The following TMEM255B variants were observed in gnomAD, a reference collection of about 807,000 sequenced individuals.
The protein encoded by TMEM255B is transmembrane protein 255B.
A neutral mutation model predicts 34.5 loss-of-function variants in TMEM255B; 35 were observed. That is an observed-to-expected ratio of 1.01 (90% CI 0.77 to 1.34). TMEM255B has a LOEUF of 1.34. Ranked by LOEUF, TMEM255B falls within the 40% of genes most tolerant of loss-of-function variation. The pLI is 0.00. For missense variants in TMEM255B, 432 were observed against 433.2 expected (o/e 1.00, Z 0.02); for synonymous variants, 206 against 201.2 (o/e 1.02, Z -0.20).
intron 8 of TMEM255B, among the ~76,000 whole-genome samples, chr13:113,805,480 T>C (rs1171086772): frequency 1.3e-5 from 2 of 152,210 alleles, no homozygotes; most frequent in Non-Finnish European, 2.9e-5. Flanking sequence ...ACCTTGGAGA[T>C]GACGGAGGGA....
At chr13:113,771,474 G>A (rs2050477278) in intron 3 of TMEM255B, among the ~76,000 whole-genome samples, 2 of 152,298 alleles carry the variant, frequency 1.3e-5, no homozygotes, top group Non-Finnish European at 1.5e-5. Flanking sequence ...GAGTTCAGGA[G>A]TTCAAGACCA....
In TMEM255B at chr13:113,790,251, C is replaced by T. The variant is rs1365761324; in HGVS notation, c.253-4897C>T. On this transcript the variant is annotated intron_variant, in intron 3 of 8. Coordinates refer to ENST00000375353, the MANE Select transcript of TMEM255B (RefSeq NM_182614.4). The stretch of plus-strand genomic sequence containing the variant: ...GCGCTGGACTGACCGGGCACGTGGG[C>T]ATCCTAACACTGAACTGACCAGACA... Among the ~76,000 whole-genome samples, 4 of 119,168 alleles carry T rather than the reference C, an allele frequency of 3.4e-5. 1 individual carries two copies. The highest frequency in any genetic ancestry group is 1.1e-4 in the African/African-American group (4 of 37,660). 78.2% of individuals were successfully genotyped at this position (119,168 alleles called of 152,430 possible).
intron 3 of TMEM255B, among the ~76,000 whole-genome samples, chr13:113,776,908 G>A (rs537978847): frequency 1.3e-5 from 2 of 152,250 alleles, no homozygotes; most frequent in East Asian, 3.9e-4. Context: ...CAGGTCCCAG[G>A]AGCCAACGCC....
At chr13:113,802,258 G>A (rs1371915001) in intron 7 of TMEM255B, among the ~76,000 whole-genome samples, 3 of 152,176 alleles carry the variant, frequency 2.0e-5, no homozygotes, top group South Asian at 2.1e-4. Flanking sequence ...GGCCCCTCGC[G>A]GGAGGTGGGC....
At chr13:113,780,727 A>C (rs1009850588) in intron 3 of TMEM255B, among the ~76,000 whole-genome samples, 3 of 152,330 alleles carry the variant, frequency 2.0e-5, no homozygotes, top group African/African-American at 7.2e-5. Flanking sequence ...AGCACCTGGT[A>C]AAACTTTATA....
intron 3 of TMEM255B, among the ~76,000 whole-genome samples, chr13:113,781,082 T>C (rs1197319841): frequency 6.6e-6 from 1 of 152,232 alleles, no homozygotes; most frequent in African/African-American, 2.4e-5. Context: ...TAGTGTACTA[T>C]TAATGTTAAA....
intron 7 of TMEM255B, 136 bp downstream of exon 7, chr13:113,801,948 T>C (rs746774183): frequency 1.5e-4 from 161 of 1,053,450 alleles, no homozygotes; most frequent in South Asian, 2.4e-4. Context: ...GTCAGCAGGG[T>C]GTCAGGGTGA....
chr13:113,793,740 T>C (rs2050871795), intron 3 of TMEM255B, among the ~76,000 whole-genome samples: 1 of 152,188 alleles, frequency 6.6e-6, no homozygotes, highest in Non-Finnish European at 1.5e-5. Context: ...GTGCCCACTG[T>C]TTAAAAAAGA....
intron 5 of TMEM255B, chr13:113,800,020 C>T (rs1208231249): frequency 8.1e-7 from 1 of 1,230,788 alleles, no homozygotes. Context: ...TGGCCAGCAC[C>T]TGCCAGCTTG....
chr13:113,791,711 C>T (rs1000249015), intron 3 of TMEM255B, among the ~76,000 whole-genome samples: 14 of 152,192 alleles, frequency 9.2e-5, no homozygotes, highest in African/African-American at 2.9e-4. Flanking sequence ...ATGGGTCGAG[C>T]GAAAGAACTT....
intron 3 of TMEM255B, among the ~76,000 whole-genome samples, chr13:113,777,249 A>G (rs1171861900): frequency 6.6e-6 from 1 of 151,884 alleles, no homozygotes; most frequent in African/African-American, 2.4e-5. Context: ...GTCTCCCTCT[A>G]GCTCTGTCTC....
chr13:113,785,475 C>T (rs1369166831), intron 3 of TMEM255B, among the ~76,000 whole-genome samples: 1 of 152,244 alleles, frequency 6.6e-6, no homozygotes, highest in African/African-American at 2.4e-5. Context: ...CCTCGTCCTA[C>T]CTCTCTTGCT....
At chr13:113,808,794 G>A (rs1349834460) in intron 8 of TMEM255B, among the ~76,000 whole-genome samples, 28 of 102,986 alleles carry the variant, frequency 2.7e-4, no homozygotes, top group African/African-American at 1.2e-3. Flanking sequence ...GTGGTTCCTG[G>A]GGGGGGGGTT....
At chr13:113,783,806 T>C (rs2050700003) in intron 3 of TMEM255B, among the ~76,000 whole-genome samples, 1 of 151,484 alleles carries the variant, frequency 6.6e-6, no homozygotes, top group Admixed American at 6.6e-5. Context: ...ATGCAGAGGG[T>C]TGAGAGTACA....
rs374077956 is a variant in TMEM255B at position 113,796,965 on chromosome 13, A to G, written c.342+1728A>G. ...CATGCTCACACTCGCGCGCACACAC[A>G]CACTCCCACGGAGGTGCGTCATGGG... is the stretch of plus-strand genomic sequence containing the variant. On this transcript the variant is annotated intron_variant, in intron 4 of 8. Coordinates refer to ENST00000375353, the MANE Select transcript of TMEM255B (RefSeq NM_182614.4). 2.0e-5 allele frequency among the ~76,000 whole-genome samples: 3 copies of G among 151,884 alleles called. No individual in the cohort carries two copies. In the East Asian group the frequency reaches 5.8e-4, roughly 29 times the overall value.
At chr13:113,772,217 C>T (rs2050490095) in intron 3 of TMEM255B, among the ~76,000 whole-genome samples, 1 of 152,258 alleles carries the variant, frequency 6.6e-6, no homozygotes. Context: ...TCATCAGAGT[C>T]ATTTATGTAT....
chr13:113,798,269 A>G (rs1425989661), intron 4 of TMEM255B, among the ~76,000 whole-genome samples: 1 of 150,680 alleles, frequency 6.6e-6, no homozygotes, highest in Admixed American at 6.6e-5. Flanking sequence ...ATGGATAGAT[A>G]GGAGGATGGA....
chr13:113,796,426 C>T (rs2050939695), intron 4 of TMEM255B, among the ~76,000 whole-genome samples: 3 of 142,154 alleles, frequency 2.1e-5, no homozygotes, highest in Non-Finnish European at 3.1e-5. Flanking sequence ...AGAGCACACA[C>T]CACACAGAGC....
intron 8 of TMEM255B, among the ~76,000 whole-genome samples, chr13:113,805,747 C>T (rs2051159248): frequency 6.6e-6 from 1 of 152,202 alleles, no homozygotes; most frequent in African/African-American, 2.4e-5. Context: ...TGTGACAACC[C>T]AAACTCTCCG....
Sources: gnomAD v4.1 joint callset for allele counts (sites outside exome capture counted in the v4.1 genomes callset) on GRCh38, gnomAD v4.1.1 for gene constraint, MANE v1.5 for transcripts, NCBI Gene and HGNC (gene_info 2026-07-23, HGNC 2026-07-21) for gene names.